Variants in NDUFA12 observed in about 807,000 individuals in gnomAD.
NDUFA12 encodes NADH:ubiquinone oxidoreductase subunit A12.
Under a neutral mutation model 20.3 loss-of-function variants are expected in NDUFA12, and 17 were observed. The observed-to-expected ratio is 0.84, with a 90% confidence interval of 0.57 to 1.26. NDUFA12 has a LOEUF of 1.26. Ranked by LOEUF, NDUFA12 falls within the 50% of genes most tolerant of loss-of-function variation. The pLI is 0.00. For synonymous variants in NDUFA12, 72 were observed against 63.6 expected, an observed-to-expected ratio of 1.13 and a Z score of -0.63; for missense variants, 191 against 183.7, an observed-to-expected ratio of 1.04 and a Z score of -0.23.
At chr12:94,977,358 G>T (rs1874090984) in intron 3 of NDUFA12, among the ~76,000 whole-genome samples, 1 of 152,074 alleles carries the variant, frequency 6.6e-6, no homozygotes, top group Non-Finnish European at 1.5e-5. Flanking sequence ...TATACTCCCA[G>T]CTACTCAGGA....
In NDUFA12 at chr12:94,971,449, AG is replaced by A. The variant is rs1873882434; in HGVS notation, c.428del (p.Pro143LeufsTer39). 1 of 1,614,096 alleles carries A rather than the reference AG, an allele frequency of 6.2e-7. No homozygotes were observed. ...CTGTTCTTCATTGTCTTTACTTGTAAGGTGTTGAAGGTGGGATCCACTCCTG... is the reference window on the plus strand; with the variant it reads ...CTGTTCTTCATTGTCTTTACTTGTAAGTGTTGAAGGTGGGATCCACTCCTG... ...KIQEWIPPSTPYK is the reference protein window; with the variant it reads ...KIQEWIPPSTXYK On this transcript the variant is annotated frameshift_variant, in exon 4 of 4. Transcript: ENST00000327772. LOFTEE classifies it high-confidence loss of function.
At chr12:94,972,621 TGGGAGGAC>T (rs1352299901) in intron 3 of NDUFA12, 1 of 297,392 alleles carries the variant, frequency 3.4e-6, no homozygotes, top group Non-Finnish European at 7.2e-6. Flanking sequence ...CCCAGCACTT[TGGGAGGAC>T]GAGGTGGGAG....
intron 3 of NDUFA12, among the ~76,000 whole-genome samples, chr12:94,992,450 C>G (rs1874675194): frequency 6.6e-6 from 1 of 152,164 alleles, no homozygotes; most frequent in African/African-American, 2.4e-5. Flanking sequence ...GATACTATGG[C>G]ATATTGTTTT....
At chr12:94,972,197 G>C (rs1873911664) in intron 3 of NDUFA12, among the ~76,000 whole-genome samples, 1 of 151,912 alleles carries the variant, frequency 6.6e-6, no homozygotes, top group South Asian at 2.1e-4. Context: ...CAAAGTGCTG[G>C]GATTATAGGC....
rs566878701 is a variant in NDUFA12 at position 95,001,768 on chromosome 12, G to C, written c.169+971C>G. Among the ~76,000 whole-genome samples, 8 of 152,290 alleles carry C rather than the reference G, an allele frequency of 5.3e-5. 1 individual carries two copies. The East Asian group carries it at 1.5e-3, about 29-fold the overall frequency. ...TTGCCAGACTGGAGTAGAGTGGCGG[G>C]ATCTGGGCTCACTGCAACTTCCGAC... On this transcript the variant is annotated intron_variant, in intron 2 of 3. Transcript: ENST00000327772.
At chr12:94,978,894 C>A (rs118106103) in intron 3 of NDUFA12, among the ~76,000 whole-genome samples, 4 of 152,058 alleles carry the variant, frequency 2.6e-5, no homozygotes, top group African/African-American at 7.2e-5. Context: ...CTAAAACACT[C>A]GAACTGACAC....
chr12:94,979,092 A>C (rs1413853550), intron 3 of NDUFA12, among the ~76,000 whole-genome samples: 2 of 152,192 alleles, frequency 1.3e-5, no homozygotes, highest in African/African-American at 4.8e-5. Flanking sequence ...GTCTTTAAAA[A>C]ACATTCCTCT....
chr12:94,985,007 A>ATAAAATAAAATAAC (rs756547609), intron 3 of NDUFA12, among the ~76,000 whole-genome samples: 1 of 147,258 alleles, frequency 6.8e-6, no homozygotes, highest in African/African-American at 2.5e-5. Context: ...CATAACATAA[A>ATAAAATAAAATAAC]ATAAGATAAA....
chr12:94,999,241 C>T (rs1874939341), intron 2 of NDUFA12, among the ~76,000 whole-genome samples: 1 of 152,126 alleles, frequency 6.6e-6, no homozygotes, highest in Non-Finnish European at 1.5e-5. Flanking sequence ...GGAAAGGACA[C>T]CCTATTCAAC....
At chr12:95,002,870 A>G in intron 1 of NDUFA12, 49 bp from the exon 2 acceptor site, 1 of 1,505,130 alleles carries the variant, frequency 6.6e-7, no homozygotes, top group Non-Finnish European at 9.3e-7. Context: ...TTCTTAGTTC[A>G]AAACATAAAC....
intron 1 of NDUFA12, 127 bp downstream of exon 1, chr12:95,003,468 A>G: frequency 1.0e-6 from 1 of 999,458 alleles, no homozygotes; most frequent in Non-Finnish European, 1.6e-6. Context: ...CAAGGCAGAG[A>G]TTGGGGCGGT....
chr12:94,977,274 A>C (rs1242855375), intron 3 of NDUFA12, among the ~76,000 whole-genome samples: 2 of 152,164 alleles, frequency 1.3e-5, no homozygotes, highest in African/African-American at 4.8e-5. Context: ...AGGTTGGAGG[A>C]TCACTTGAGG....
intron 1 of NDUFA12, 43 bp from the exon 2 acceptor site, chr12:95,002,864 T>C: frequency 6.6e-7 from 1 of 1,526,602 alleles, no homozygotes; most frequent in Non-Finnish European, 9.1e-7. Context: ...GAATGATTCT[T>C]AGTTCAAAAC....
chr12:94,971,446 G>GT lies in NDUFA12; in HGVS notation c.431dup (p.Tyr144Ter). 1 of 1,614,028 alleles carries GT rather than the reference G, an allele frequency of 6.2e-7. No homozygotes were observed. The highest frequency in any genetic ancestry group is 8.5e-7 in the Non-Finnish European group (1 of 1,179,846). ...CAACTGTTCTTCATTGTCTTTACTT[G>GT]TAAGGTGTTGAAGGTGGGATCCACT... ...IQEWIPPSTP[Y>*]K Residue 144 changes from tyrosine (Y) to a stop codon, truncating the protein, a stop_gained and frameshift_variant, in exon 4 of 4, where the codon TAC becomes TAAC. Transcript: ENST00000327772. LOFTEE classifies it high-confidence loss of function.
intron 3 of NDUFA12, among the ~76,000 whole-genome samples, chr12:94,975,875 A>G (rs1345007181): frequency 6.6e-6 from 1 of 152,044 alleles, no homozygotes. Flanking sequence ...ATGAGACCCC[A>G]TGTCTACAAA....
chr12:94,995,883 T>C (rs1874809912), intron 2 of NDUFA12, among the ~76,000 whole-genome samples: 1 of 149,214 alleles, frequency 6.7e-6, no homozygotes, highest in Non-Finnish European at 1.5e-5. Context: ...TGTGTTGCTA[T>C]TTTTAAAAAT....
intron 3 of NDUFA12, among the ~76,000 whole-genome samples, chr12:94,974,463 C>A (rs11833562): frequency 0.26 from 39,219 of 152,006 alleles, 5,360 homozygotes; most frequent in Non-Finnish European, 0.26. Flanking sequence ...AAAAATTGAG[C>A]TACCATATGA....
intron 2 of NDUFA12, among the ~76,000 whole-genome samples, chr12:94,999,691 GATAT>G (rs1327080423): frequency 2.0e-5 from 3 of 152,016 alleles, no homozygotes; most frequent in Non-Finnish European, 2.9e-5. Flanking sequence ...CTCAAAAGAA[GATAT>G]ACAAACAGTC....
intron 2 of NDUFA12, among the ~76,000 whole-genome samples, chr12:94,994,811 T>C (rs1011463035): frequency 1.3e-5 from 2 of 152,232 alleles, no homozygotes; most frequent in African/African-American, 4.8e-5. Context: ...ACTCCTCATT[T>C]AGGAAATTTC....
Sources: allele counts gnomAD v4.1 joint callset (sites outside exome capture counted in the v4.1 genomes callset), GRCh38; gene constraint gnomAD v4.1.1; transcripts MANE v1.5; gene names NCBI Gene and HGNC (gene_info 2026-07-23, HGNC 2026-07-21).